The following LRRTM4 variants were observed in gnomAD, a reference collection of about 807,000 sequenced individuals.
The protein encoded by LRRTM4 is leucine-rich repeat transmembrane neuronal protein 4.
LRRTM4 carries 25 observed loss-of-function variants against 47.6 expected under a neutral mutation model. The ratio of observed to expected loss-of-function variants is 0.53; its 90% CI spans 0.38 to 0.73. The LOEUF is 0.73. Ranked by LOEUF, LRRTM4 falls within the 30% of genes least tolerant of loss-of-function variation. The pLI, the probability that LRRTM4 is intolerant of heterozygous loss-of-function variation, is 0.00. For synonymous variants in LRRTM4, 311 were observed against 269.5 expected (o/e 1.15, Z -1.51); for missense variants, 638 against 713.4 (o/e 0.89, Z 1.20).
chr2:77,269,523 C>A (rs536428374), intron 3 of LRRTM4, among the ~76,000 whole-genome samples: 81 of 152,250 alleles, frequency 5.3e-4, no homozygotes, highest in Admixed American at 1.6e-3. Flanking sequence ...ATAAAACTTA[C>A]TGAATTAAAC....
chr2:76,796,155 C>A (rs148169626), intron 3 of LRRTM4, among the ~76,000 whole-genome samples: 1 of 144,340 alleles, frequency 6.9e-6, no homozygotes, highest in Non-Finnish European at 1.5e-5. Context: ...GCACATGGCT[C>A]GCAGGGTCCT....
chr2:77,076,987 G>T (rs1680358541), intron 3 of LRRTM4, among the ~76,000 whole-genome samples: 1 of 152,148 alleles, frequency 6.6e-6, no homozygotes, highest in East Asian at 1.9e-4. Flanking sequence ...TAAAAATGCA[G>T]CAACTCTAAA....
At chr2:76,914,614 T>C (rs984559937) in intron 3 of LRRTM4, among the ~76,000 whole-genome samples, 9 of 152,194 alleles carry the variant, frequency 5.9e-5, no homozygotes, top group Admixed American at 1.3e-4. Context: ...AGGTAGAGAA[T>C]TGCATGTGTA....
chr2:76,796,517 C>G (rs6707135), intron 3 of LRRTM4, among the ~76,000 whole-genome samples: 57,235 of 107,012 alleles, frequency 0.53, 17,639 homozygotes, highest in African/African-American at 0.74. Flanking sequence ...CCCCAGAACA[C>G]CCTAACTGGG....
At chr2:76,877,646 T>C (rs1316559312) in intron 3 of LRRTM4, among the ~76,000 whole-genome samples, 1 of 152,188 alleles carries the variant, frequency 6.6e-6, no homozygotes, top group African/African-American at 2.4e-5. Flanking sequence ...TATTCATTTA[T>C]TACTTCTAGA....
At chr2:76,817,136 A>T (rs1386795115) in intron 3 of LRRTM4, among the ~76,000 whole-genome samples, 1 of 151,920 alleles carries the variant, frequency 6.6e-6, no homozygotes, top group Non-Finnish European at 1.5e-5. Context: ...AACTGAGAGG[A>T]GGGAGAAAGA....
At chr2:77,417,943 G>T (rs1198247660) in intron 3 of LRRTM4, among the ~76,000 whole-genome samples, 1 of 152,054 alleles carries the variant, frequency 6.6e-6, no homozygotes, top group East Asian at 1.9e-4. Flanking sequence ...TCTATCTACT[G>T]TTTGAATAAT....
intron 3 of LRRTM4, among the ~76,000 whole-genome samples, chr2:77,453,669 A>G (rs1676353227): frequency 6.6e-6 from 1 of 151,870 alleles, no homozygotes; most frequent in South Asian, 2.1e-4. Flanking sequence ...GTAATGTTAT[A>G]TTTTCCATTT....
intron 3 of LRRTM4, among the ~76,000 whole-genome samples, chr2:76,897,825 A>G (rs929720521): frequency 6.6e-6 from 1 of 152,108 alleles, no homozygotes; most frequent in Non-Finnish European, 1.5e-5. Context: ...CTTGATCCCC[A>G]TCTCCATTCC....
At chr2:77,003,252 A>G (rs1677502954) in intron 3 of LRRTM4, among the ~76,000 whole-genome samples, 1 of 151,734 alleles carries the variant, frequency 6.6e-6, no homozygotes, top group African/African-American at 2.4e-5. Flanking sequence ...TTATAATTAT[A>G]GATTCTATTT....
chr2:76,782,600 AT>A (rs1674462789), intron 3 of LRRTM4, among the ~76,000 whole-genome samples: 1 of 152,170 alleles, frequency 6.6e-6, no homozygotes. Flanking sequence ...ATTTGTTTAC[AT>A]TTTTTAAACT....
intron 3 of LRRTM4, among the ~76,000 whole-genome samples, chr2:76,881,819 A>G (rs1181445683): frequency 1.3e-5 from 2 of 152,000 alleles, no homozygotes; most frequent in Non-Finnish European, 2.9e-5. Context: ...AAGTATTATA[A>G]TGTTTGATTT....
chr2:77,157,989 G>C (rs1159247783), intron 3 of LRRTM4, among the ~76,000 whole-genome samples: 1 of 152,192 alleles, frequency 6.6e-6, no homozygotes, highest in African/African-American at 2.4e-5. Context: ...ACATTCAAAA[G>C]GCGTCAAGTT....
At chr2:77,150,548 A>G (rs1672390081) in intron 3 of LRRTM4, among the ~76,000 whole-genome samples, 1 of 152,162 alleles carries the variant, frequency 6.6e-6, no homozygotes, top group Non-Finnish European at 1.5e-5. Context: ...TTAGTGAACT[A>G]TGCCTATTAT....
chr2:77,345,378 A>G (rs1018492240), intron 3 of LRRTM4, among the ~76,000 whole-genome samples: 25 of 151,930 alleles, frequency 1.6e-4, no homozygotes, highest in African/African-American at 6.0e-4. Flanking sequence ...AAGTGTGGAA[A>G]AAATATTTTC....
At chr2:77,510,357 T>C (rs1678936054) in intron 3 of LRRTM4, among the ~76,000 whole-genome samples, 1 of 152,076 alleles carries the variant, frequency 6.6e-6, no homozygotes, top group Non-Finnish European at 1.5e-5. Flanking sequence ...AGGGAAGAAT[T>C]GAAATGCAAA....
chr2:77,440,980 T>A (rs560021558), intron 3 of LRRTM4, among the ~76,000 whole-genome samples: 1 of 152,376 alleles, frequency 6.6e-6, no homozygotes, highest in East Asian at 1.9e-4. Flanking sequence ...ATGTTGTAGC[T>A]ATTTACATTA....
At chr2:77,012,103 T>G (rs1677896351) in intron 3 of LRRTM4, among the ~76,000 whole-genome samples, 1 of 152,076 alleles carries the variant, frequency 6.6e-6, no homozygotes. Flanking sequence ...CTGTGGCCAA[T>G]GCAAACCTGA....
At chr2:76,840,068 G>C (rs1671627893) in intron 3 of LRRTM4, among the ~76,000 whole-genome samples, 1 of 152,040 alleles carries the variant, frequency 6.6e-6, no homozygotes, top group Non-Finnish European at 1.5e-5. Flanking sequence ...CTTTAGCTTT[G>C]TTTTGTGGAC....
Sources: allele counts gnomAD v4.1 joint callset (sites outside exome capture counted in the v4.1 genomes callset), GRCh38; gene constraint gnomAD v4.1.1; transcripts MANE v1.5; gene names NCBI Gene and HGNC (gene_info 2026-07-23, HGNC 2026-07-21).